CDC73: variants seen among roughly 807,000 people sequenced by gnomAD.
The protein encoded by CDC73 is parafibromin.
In CDC73, 21 loss-of-function variants were observed where a neutral mutation model predicts 83.7. The ratio of observed to expected loss-of-function variants is 0.25; its 90% CI spans 0.18 to 0.36. CDC73 has a LOEUF of 0.36. CDC73 is among the 10% of genes least tolerant of loss of function. CDC73 has a pLI of 1.00. For synonymous variants in CDC73, 224 were observed against 212.9 expected (o/e 1.05, Z -0.45); for missense variants, 342 against 653.3 (o/e 0.52, Z 5.19).
intron 10 of CDC73, chr1:193,180,368 G>A: frequency 6.2e-7 from 1 of 1,613,088 alleles, no homozygotes; most frequent in Non-Finnish European, 8.5e-7. Context: ...TGCTTATTTT[G>A]TTGTAAATGG....
intron 2 of CDC73, among the ~76,000 whole-genome samples, chr1:193,129,032 C>T (rs1216702220): frequency 6.9e-6 from 1 of 144,064 alleles, no homozygotes; most frequent in African/African-American, 2.6e-5. Flanking sequence ...GTGTCTCACT[C>T]TGTCACCCAG....
intron 10 of CDC73, among the ~76,000 whole-genome samples, chr1:193,158,132 T>G (rs1676240220): frequency 6.6e-6 from 1 of 151,700 alleles, no homozygotes; most frequent in Non-Finnish European, 1.5e-5. Context: ...GATATAATTT[T>G]CATTCAAAGT....
At chr1:193,168,680 T>A (rs923140470) in intron 10 of CDC73, among the ~76,000 whole-genome samples, 5 of 151,920 alleles carry the variant, frequency 3.3e-5, no homozygotes, top group Admixed American at 2.6e-4. Context: ...CCTGCCACCA[T>A]GGCTGGCTAA....
rs2103111335 is a variant in CDC73 at position 193,122,128 on chromosome 1, C to T, written c.-73C>T. On this transcript the variant is annotated 5_prime_UTR_variant, in exon 1 of 17. Coordinates refer to ENST00000367435, the MANE Select transcript of CDC73 (RefSeq NM_024529.5). ...AAGGAGGAGGAGGAAGAGGGCGAGG[C>T]GACAAGAGAAGAAGGAGGCAGGCGC... The T allele has an allele frequency of 6.8e-7, 1 of 1,461,560 alleles. No individual in the cohort carries two copies. Among genetic ancestry groups the T allele is most frequent in the Non-Finnish European group, 9.6e-7 (1 of 1,043,710 alleles). 90.5% of individuals were successfully genotyped at this position (1,461,560 alleles called of 1,614,324 possible). A position where few individuals can be genotyped will look rare whatever the true frequency, so the allele number is the denominator to read the frequency against.
chr1:193,125,310 G>A, intron 2 of CDC73, 93 bp downstream of exon 2: 1 of 773,622 alleles, frequency 1.3e-6, no homozygotes, highest in Admixed American at 2.0e-5. Flanking sequence ...CCGGGCTAGG[G>A]TGCAGTGGTG....
At position 193,122,061 on chromosome 1, in the gene CDC73, G is replaced by C; in HGVS notation, c.-140G>C. On this transcript the variant is annotated 5_prime_UTR_variant, in exon 1 of 17. Coordinates refer to ENST00000367435, the MANE Select transcript of CDC73 (RefSeq NM_024529.5). ...TGCCCCTGCTGCTGTCGTAGGCGAG[G>C]ACGGCTGTTAGTGCTGCTGCTGTTG... 1.3e-6 allele frequency: 1 copy of C among 764,118 alleles called. No individual in the cohort carries two copies. Among genetic ancestry groups the C allele is most frequent in the Non-Finnish European group, 2.2e-6 (1 of 450,534 alleles). 47.3% of individuals were successfully genotyped at this position (764,118 alleles called of 1,614,324 possible). A position where few individuals can be genotyped will look rare whatever the true frequency, so the allele number is the denominator to read the frequency against.
At chr1:193,162,824 A>G (rs2103143087) in intron 10 of CDC73, among the ~76,000 whole-genome samples, 1 of 152,152 alleles carries the variant, frequency 6.6e-6, no homozygotes, top group South Asian at 2.1e-4. Context: ...TCTTTTTGTC[A>G]TTTCTGTCTT....
intron 10 of CDC73, among the ~76,000 whole-genome samples, chr1:193,159,723 A>G (rs1676273932): frequency 6.6e-6 from 1 of 152,190 alleles, no homozygotes; most frequent in African/African-American, 2.4e-5. Context: ...AAATGTTTTT[A>G]TATTAAACAT....
chr1:193,149,621 TATC>T (rs1013374087), intron 8 of CDC73, among the ~76,000 whole-genome samples: 5 of 152,310 alleles, frequency 3.3e-5, no homozygotes, highest in Admixed American at 1.3e-4. Flanking sequence ...AGCATATACT[TATC>T]ATTCTTGATA....
chr1:193,163,861 C>T (rs770148789), intron 10 of CDC73, among the ~76,000 whole-genome samples: 1 of 152,098 alleles, frequency 6.6e-6, no homozygotes, highest in South Asian at 2.1e-4. Flanking sequence ...CAACTGCAAC[C>T]TCCGCTTCCC....
rs762138528 is a variant in CDC73 at position 193,233,005 on chromosome 1, A to C, written c.1167A>C (p.Ser389=). Residue 389 remains serine, a synonymous_variant, in exon 14 of 17, where the codon TCA becomes TCC. Transcript: ENST00000367435. ...DLLQDLKFVP[S]DEKKKQGCQR... ...TGTTTTTTCAAAGATTTGTCCCATC[A>C]GATGAAAAGAAGAAACAAGGTTGTC... 8.7e-6 allele frequency: 14 copies of C among 1,613,576 alleles called. No individual in the cohort carries two copies.
intron 2 of CDC73, among the ~76,000 whole-genome samples, chr1:193,126,887 C>T (rs1675584938): frequency 6.6e-6 from 1 of 152,152 alleles, no homozygotes; most frequent in South Asian, 2.1e-4. Context: ...TGAAACTTAA[C>T]TTCTATAACT....
chr1:193,214,250 T>C (rs1486488852), intron 13 of CDC73, among the ~76,000 whole-genome samples: 3 of 152,212 alleles, frequency 2.0e-5, no homozygotes, highest in South Asian at 2.1e-4. Flanking sequence ...TTCAGGTATA[T>C]GTTACATTGT....
At chr1:193,168,835 G>A (rs953243472) in intron 10 of CDC73, among the ~76,000 whole-genome samples, 1 of 152,170 alleles carries the variant, frequency 6.6e-6, no homozygotes, top group African/African-American at 2.4e-5. Context: ...GACCTCTGCT[G>A]TTTTAAAGGC....
chr1:193,138,298 C>T (rs1382296334), intron 6 of CDC73, 125 bp downstream of exon 6: 6 of 737,002 alleles, frequency 8.1e-6, no homozygotes, highest in Admixed American at 3.9e-5. Flanking sequence ...CCTCTTTGCT[C>T]TTAAGTTCGT....
intron 13 of CDC73, among the ~76,000 whole-genome samples, chr1:193,220,255 C>T (rs564916539): frequency 3.3e-5 from 5 of 151,006 alleles, no homozygotes; most frequent in African/African-American, 7.3e-5. Context: ...TAACCTCCAC[C>T]TCCCGGGTTC....
At chr1:193,179,929 C>T (rs944321292) in intron 10 of CDC73, 1 of 156,620 alleles carries the variant, frequency 6.4e-6, no homozygotes, top group African/African-American at 2.4e-5. Flanking sequence ...AAAGCTTAAT[C>T]TAAAATGAAG....
At chr1:193,234,169 TCTCTCTCA>T (rs1482275843) in intron 14 of CDC73, among the ~76,000 whole-genome samples, 5 of 81,592 alleles carry the variant, frequency 6.1e-5, no homozygotes, top group African/African-American at 1.8e-4. Flanking sequence ...TCTCTCTCTC[TCTCTCTCA>T]CACACACACA....
chr1:193,197,100 G>A (rs776818709), intron 10 of CDC73, among the ~76,000 whole-genome samples: 1 of 152,096 alleles, frequency 6.6e-6, no homozygotes, highest in African/African-American at 2.4e-5. Flanking sequence ...TTATGTGGAG[G>A]ACATTGCCTT....
Sources: gnomAD v4.1 joint callset for allele counts (sites outside exome capture counted in the v4.1 genomes callset) on GRCh38, gnomAD v4.1.1 for gene constraint, MANE v1.5 for transcripts, NCBI Gene and HGNC (gene_info 2026-07-23, HGNC 2026-07-21) for gene names.